The following TLE2 variants were observed in gnomAD, a reference collection of about 807,000 sequenced individuals.
TLE2 encodes transducin-like enhancer protein 2.
Under a neutral mutation model 97.2 loss-of-function variants are expected in TLE2, and 74 were observed. The observed-to-expected ratio is 0.76, with a 90% confidence interval of 0.63 to 0.92. The LOEUF is 0.92. Ranked by LOEUF, TLE2 falls within the 40% of genes least tolerant of loss-of-function variation. TLE2 has a pLI of 0.00. For missense variants in TLE2, 1,038 were observed against 1,008.7 expected (o/e 1.03, Z -0.39); for synonymous variants, 499 against 432.1 (o/e 1.15, Z -1.92).
At chr19:3,027,481 T>A (rs918393881) in intron 4 of TLE2, among the ~76,000 whole-genome samples, 70 of 152,328 alleles carry the variant, frequency 4.6e-4, no homozygotes, top group African/African-American at 1.7e-3. Context: ...TCCAGCTCCC[T>A]CCTAGGACAG....
intron 1 of TLE2, among the ~76,000 whole-genome samples, chr19:3,040,830 T>A (rs996247505): frequency 2.0e-5 from 3 of 148,854 alleles, no homozygotes; most frequent in East Asian, 4.0e-4. Flanking sequence ...AGAGATGGGG[T>A]CTTGCTATAT....
Position 3,006,565 on chromosome 19 carries a change from T to G in TLE2, c.1355A>C (p.His452Pro). 1 of 1,603,344 alleles carries G rather than the reference T, an allele frequency of 6.2e-7. No individual in the cohort carries two copies. The highest frequency in any genetic ancestry group is 8.5e-7 in the Non-Finnish European group (1 of 1,176,092). The change falls in exon 15 of 20, where the codon CAC becomes CCC. Residue 452 changes from histidine to proline, a missense_variant. His to Pro is a moderately conservative substitution (Grantham distance 77, BLOSUM62 -2). Coordinates refer to ENST00000262953, the MANE Select transcript of TLE2 (RefSeq NM_003260.5). ...AGIPRHARQLHTLAHGEVVCA... is the reference protein window; with the variant it reads ...AGIPRHARQLPTLAHGEVVCA... Reference sequence around the variant, plus strand: ...GACCACCTCGCCATGGGCCAGCGTGTGCAGCTGCCGGGCGTGCCGCGGGAT... The same window carrying G: ...GACCACCTCGCCATGGGCCAGCGTGGGCAGCTGCCGGGCGTGCCGCGGGAT...
intron 13 of TLE2, among the ~76,000 whole-genome samples, chr19:3,009,334 G>A (rs890822391): frequency 1.3e-5 from 2 of 152,174 alleles, no homozygotes; most frequent in African/African-American, 4.8e-5. Context: ...AATCGCTGTT[G>A]CGTTTTTCCA....
intron 1 of TLE2, among the ~76,000 whole-genome samples, chr19:3,037,683 CCT>C (rs1354186025): frequency 2.6e-5 from 4 of 152,160 alleles, no homozygotes; most frequent in Admixed American, 6.6e-5. Flanking sequence ...CCAGCCTCTC[CCT>C]GAGTAAGAAC....
At chr19:3,013,605 A>T in intron 11 of TLE2, 64 bp downstream of exon 11, 1 of 1,285,870 alleles carries the variant, frequency 7.8e-7, no homozygotes, top group Non-Finnish European at 1.0e-6. Context: ...ATCATGGGGT[A>T]GCGTCTGCTT....
At chr19:3,046,414 C>T (rs2090141319), upstream of TLE2, among the ~76,000 whole-genome samples, 1 of 152,204 alleles carries the variant, frequency 6.6e-6, no homozygotes, top group South Asian at 2.1e-4. Context: ...GCTCCTTTTC[C>T]TCCACCCCTC....
At chr19:2,998,278 A>AT (rs147412730) in intron 19 of TLE2, among the ~76,000 whole-genome samples, 56,950 of 106,452 alleles carry the variant, frequency 0.53, 15,669 homozygotes, top group East Asian at 0.68. Context: ...TGTGTGTGTA[A>AT]TTTTTTTTTT....
intron 17 of TLE2, 54 bp downstream of exon 17, chr19:3,005,383 G>A: frequency 6.3e-7 from 1 of 1,593,456 alleles, no homozygotes; most frequent in South Asian, 1.1e-5. Context: ...AGGAGAGGAA[G>A]GGATGCTGTA....
chr19:3,011,175 C>A lies in TLE2; in HGVS notation c.874-15G>T. Reference sequence around the variant, plus strand: ...GGAAGGTCATTCTGCAGAGAAAGGGCAGGACTGAAGGCCACCAGGCACCTG... The same window carrying A: ...GGAAGGTCATTCTGCAGAGAAAGGGAAGGACTGAAGGCCACCAGGCACCTG... On this transcript the variant is annotated splice_polypyrimidine_tract_variant and intron_variant, in intron 11 of 19. Coordinates refer to ENST00000262953, the MANE Select transcript of TLE2 (RefSeq NM_003260.5). 1 of 1,573,810 alleles carries A rather than the reference C, an allele frequency of 6.4e-7. No individual in the cohort carries two copies. Among genetic ancestry groups the A allele is most frequent in the Non-Finnish European group, 8.6e-7 (1 of 1,159,758 alleles).
At chr19:3,012,929 C>T (rs1034086583) in intron 11 of TLE2, among the ~76,000 whole-genome samples, 2 of 152,118 alleles carry the variant, frequency 1.3e-5, no homozygotes, top group African/African-American at 4.8e-5. Flanking sequence ...AGGGCTTCTC[C>T]AATACAACGG....
At chr19:3,040,351 T>G (rs913543553) in intron 1 of TLE2, among the ~76,000 whole-genome samples, 5 of 150,312 alleles carry the variant, frequency 3.3e-5, no homozygotes, top group Admixed American at 6.6e-5. Context: ...CGTTTGTTTG[T>G]TTTTTTTTTA....
chr19:3,003,738 T>A (rs1277235062), intron 17 of TLE2, among the ~76,000 whole-genome samples: 1 of 148,378 alleles, frequency 6.7e-6, no homozygotes, highest in Non-Finnish European at 1.5e-5. Context: ...AGGGTCTTGC[T>A]CTGTCGCCCA....
chr19:3,028,021 G>GT, intron 3 of TLE2, 148 bp from the exon 4 acceptor site: 1 of 839,334 alleles, frequency 1.2e-6, no homozygotes, highest in African/African-American at 1.7e-5. Flanking sequence ...GGGTCCCAGA[G>GT]GAGGAAGCGG....
intron 3 of TLE2, 34 bp from the exon 4 acceptor site, chr19:3,027,907 G>A (rs2089972740): frequency 6.3e-7 from 1 of 1,591,596 alleles, no homozygotes; most frequent in East Asian, 2.3e-5. Flanking sequence ...AACGTCTAGG[G>A]TGGAGATGGG....
chr19:3,002,467 G>T lies in TLE2; in HGVS notation c.1933C>A (p.Leu645Met). Residue 645 changes from leucine to methionine, a missense_variant, in exon 18 of 20, where the codon CTG (leucine) becomes ATG (methionine). Physicochemically the swap from Leu to Met is conservative, Grantham distance 15 (BLOSUM62 2). Transcript: ENST00000262953. ...SLGHCPNQDW[L>M]AVGMESSNVE... ...TTGCTACTCTCCATTCCGACCGCCA[G>T]CCAGTCCTGGTTAGGGCAGTGGCCC... is the stretch of plus-strand genomic sequence containing the variant. The T allele has an allele frequency of 1.9e-6, 3 of 1,599,220 alleles. No homozygotes were observed. The highest frequency in any genetic ancestry group is 1.7e-4 in the Middle Eastern group (1 of 6,042).
intron 4 of TLE2, 121 bp from the exon 5 acceptor site, chr19:3,025,203 G>A (rs2089921731): frequency 1.8e-6 from 2 of 1,132,372 alleles, no homozygotes; most frequent in Non-Finnish European, 1.2e-6. Flanking sequence ...GCCCGCAGGT[G>A]CACAGAGGGA....
rs532845803 is a variant in TLE2, at chr19:3,022,742, C to T, written c.294+2278G>A. Among the ~76,000 whole-genome samples, 7 of 152,084 alleles carry T rather than the reference C, an allele frequency of 4.6e-5. No individual in the cohort carries two copies. In the South Asian group the frequency reaches 1.2e-3, roughly 27 times the overall value. Reference sequence around the variant, plus strand: ...TCTCCACCAAGGAGGTATCAGGATGCGGATACAGAGCTCCCATGGGGGTGC... The same window carrying T: ...TCTCCACCAAGGAGGTATCAGGATGTGGATACAGAGCTCCCATGGGGGTGC... On this transcript the variant is annotated intron_variant, in intron 5 of 19. Coordinates refer to ENST00000262953, the MANE Select transcript of TLE2 (RefSeq NM_003260.5).
Position 3,001,130 on chromosome 19 carries a change from G to A in TLE2, c.2048-407C>T, listed in dbSNP as rs184514427. On this transcript the variant is annotated intron_variant, in intron 18 of 19. Transcript: ENST00000262953. The stretch of plus-strand genomic sequence containing the variant: ...TCTACTAAAAATACAAAAATCAGCT[G>A]GGCATTGTGGCAGGCACCTGTAACT... 4.4e-3 allele frequency among the ~76,000 whole-genome samples: 673 copies of A among 152,102 alleles called. 5 individuals are homozygous for A. Among genetic ancestry groups the A allele is most frequent in the African/African-American group, 0.015 (637 of 41,516 alleles).
chr19:3,019,057 C>G lies in TLE2; in HGVS notation c.550+226G>C, dbSNP rs2089780449. Among the ~76,000 whole-genome samples, 1 of 151,832 alleles carries G rather than the reference C, an allele frequency of 6.6e-6. No homozygotes were observed. The highest frequency in any genetic ancestry group is 1.5e-5 in the Non-Finnish European group (1 of 67,956). On this transcript the variant is annotated intron_variant, in intron 7 of 19. Coordinates refer to ENST00000262953, the MANE Select transcript of TLE2 (RefSeq NM_003260.5). The surrounding 1 kb of genome is among the most constrained non-coding windows in gnomAD (Gnocchi z 5.1). ...GGGAATACAGGTGTGCACCATCCCACCCAGCAAATTTTTAAATTTTTGTAG... is the reference window on the plus strand; with the variant it reads ...GGGAATACAGGTGTGCACCATCCCAGCCAGCAAATTTTTAAATTTTTGTAG...
Sources: allele counts gnomAD v4.1 joint callset (sites outside exome capture counted in the v4.1 genomes callset), GRCh38; gene constraint gnomAD v4.1.1; non-coding constraint Gnocchi (gnomAD v3.1); transcripts MANE v1.5; gene names NCBI Gene and HGNC (gene_info 2026-07-23, HGNC 2026-07-21).